The following SLIT2 variants were observed in gnomAD, a reference collection of about 807,000 sequenced individuals.
The protein encoded by SLIT2 is slit guidance ligand 2, also known as slit homolog 2 protein.
A neutral mutation model predicts 185.7 loss-of-function variants in SLIT2; 41 were observed. The observed-to-expected ratio is 0.22, with a 90% CI of 0.17 to 0.29. The LOEUF (loss-of-function observed/expected upper bound fraction) is 0.29. SLIT2 is among the 10% of genes least tolerant of loss of function. The probability of loss-of-function intolerance (pLI) is 1.00; values close to 1 mark genes in which losing one functional copy is unlikely to be tolerated. For synonymous variants in SLIT2, 693 were observed against 680.2 expected, an observed-to-expected ratio of 1.02 and a Z score of -0.29; for missense variants, 1,571 against 1,909.0, an observed-to-expected ratio of 0.82 and a Z score of 3.30.
intron 4 of SLIT2, among the ~76,000 whole-genome samples, chr4:20,383,362 C>A (rs1724682691): frequency 6.6e-6 from 1 of 152,164 alleles, no homozygotes; most frequent in African/African-American, 2.4e-5. Flanking sequence ...GTAAAGAACT[C>A]TTTCAACTCA....
intron 4 of SLIT2, among the ~76,000 whole-genome samples, chr4:20,431,205 A>G (rs79843116): frequency 0.14 from 20,631 of 152,016 alleles, 1,600 homozygotes; most frequent in African/African-American, 0.22. Flanking sequence ...TTCTTTTACT[A>G]TCAGAAACAA....
rs545317613 is a variant in SLIT2 at position 20,571,800 on chromosome 4, A to G, written c.3088+2796A>G. Among the ~76,000 whole-genome samples the G allele has an allele frequency of 3.3e-4, 50 of 152,318 alleles. 1 individual carries two copies. The highest frequency in any genetic ancestry group is 6.8e-3 in the Middle Eastern group (2 of 294). On this transcript the variant is annotated intron_variant, in intron 29 of 36. Coordinates refer to ENST00000504154, the MANE Select transcript of SLIT2 (RefSeq NM_004787.4). ...TTATTCTATATCCCGAAAGCATACAATGAGAAGTGAACTCTGTTTAATAAG... is the reference window on the plus strand; with the variant it reads ...TTATTCTATATCCCGAAAGCATACAGTGAGAAGTGAACTCTGTTTAATAAG...
Position 20,472,287 on chromosome 4 carries a change from G to GATATATATCTATATATCT in SLIT2, c.467+4471_467+4472insTCTATATATCTATATATA, listed in dbSNP as rs1560452839. ...ATATAGATATATATCTATATATATA[G>GATATATATCTATATATCT]ATATATAGATATATAGATCTATATA... On this transcript the variant is annotated intron_variant, in intron 5 of 36. Transcript: ENST00000504154. Among the ~76,000 whole-genome samples the GATATATATCTATATATCT allele has an allele frequency of 9.6e-3, 141 of 14,746 alleles. 2 individuals carry two copies. The highest frequency in any genetic ancestry group is 0.012 in the Non-Finnish European group (103 of 8,376). The allele number at this position is 14,746 out of a possible 152,430, so 9.7% of individuals were successfully genotyped here. A position where few individuals can be genotyped will look rare whatever the true frequency, so the allele number is the denominator to read the frequency against.
In SLIT2 at chr4:20,547,657, A is replaced by G. The variant is rs193175504; in HGVS notation, c.2346-831A>G. Among the ~76,000 whole-genome samples, 503 of 151,100 alleles carry G rather than the reference A, an allele frequency of 3.3e-3. 1 individual carries two copies. The highest frequency in any genetic ancestry group is 4.9e-3 in the Non-Finnish European group (330 of 67,774). ...TTGCTTCAGAAAAAAATTAGTGAAT[A>G]TATTTAGTTATTATAAATGGTGAAT... On this transcript the variant is annotated intron_variant, in intron 22 of 36. Coordinates refer to ENST00000504154, the MANE Select transcript of SLIT2 (RefSeq NM_004787.4).
intron 29 of SLIT2, among the ~76,000 whole-genome samples, chr4:20,583,914 A>T (rs892173057): frequency 1.3e-5 from 2 of 152,154 alleles, no homozygotes; most frequent in East Asian, 1.9e-4. Flanking sequence ...ATTATTTCTC[A>T]TAAAAACCAT....
At chr4:20,441,598 C>A (rs1279941112) in intron 4 of SLIT2, among the ~76,000 whole-genome samples, 1 of 148,382 alleles carries the variant, frequency 6.7e-6, no homozygotes, top group Admixed American at 6.7e-5. Context: ...AAAATACATA[C>A]ATACACACAG....
intron 21 of SLIT2, among the ~76,000 whole-genome samples, chr4:20,545,761 T>A (rs182016467): frequency 1.3e-5 from 2 of 151,938 alleles, no homozygotes; most frequent in Non-Finnish European, 2.9e-5. Flanking sequence ...AAAGTACGGT[T>A]AATTGAATGA....
At chr4:20,317,041 A>T (rs945650468) in intron 4 of SLIT2, among the ~76,000 whole-genome samples, 4 of 84,908 alleles carry the variant, frequency 4.7e-5, no homozygotes, top group African/African-American at 1.3e-4. Context: ...TTGAAAGATT[A>T]AAAAAAAAAA....
intron 9 of SLIT2, among the ~76,000 whole-genome samples, chr4:20,497,294 A>T (rs117527984): frequency 0.013 from 1,998 of 152,116 alleles, 26 homozygotes; most frequent in South Asian, 0.073. Flanking sequence ...AAACTTAGAA[A>T]TTTTGTAAAA....
chr4:20,556,503 T>C (rs893594492), intron 26 of SLIT2, among the ~76,000 whole-genome samples: 2 of 152,060 alleles, frequency 1.3e-5, no homozygotes, highest in African/African-American at 4.8e-5. Context: ...TGCATATTTG[T>C]ACTCCACTCT....
At chr4:20,394,946 C>G (rs886316896) in intron 4 of SLIT2, 15 of 152,038 alleles carry the variant, frequency 9.9e-5, no homozygotes, top group African/African-American at 3.6e-4. Flanking sequence ...AAAATAATCA[C>G]AAGGCTTTGT....
At chr4:20,318,102 T>A (rs1269113639) in intron 4 of SLIT2, among the ~76,000 whole-genome samples, 2 of 152,296 alleles carry the variant, frequency 1.3e-5, no homozygotes, top group East Asian at 3.9e-4. Context: ...TTTTCTTTTG[T>A]CCATTTTATG....
chr4:20,297,423 C>T (rs772210707), intron 4 of SLIT2, among the ~76,000 whole-genome samples: 2 of 152,130 alleles, frequency 1.3e-5, no homozygotes, highest in African/African-American at 2.4e-5. Context: ...GGTTTTCCCC[C>T]CTTCCACTTG....
intron 5 of SLIT2, among the ~76,000 whole-genome samples, chr4:20,475,919 T>G (rs1442235395): frequency 6.6e-6 from 1 of 152,182 alleles, no homozygotes; most frequent in Non-Finnish European, 1.5e-5. Context: ...CTGAAATTCT[T>G]TATTCCTGTG....
At chr4:20,540,495 GTAAA>G (rs889870017) in intron 19 of SLIT2, among the ~76,000 whole-genome samples, 1 of 151,778 alleles carries the variant, frequency 6.6e-6, no homozygotes, top group Non-Finnish European at 1.5e-5. Flanking sequence ...TTCAAGAAAA[GTAAA>G]TAAATAAATA....
intron 4 of SLIT2, among the ~76,000 whole-genome samples, chr4:20,438,411 T>C (rs544612705): frequency 6.6e-6 from 1 of 152,156 alleles, no homozygotes; most frequent in Admixed American, 6.5e-5. Flanking sequence ...AGAGAGAGTT[T>C]GTGTGGCGAA....
intron 4 of SLIT2, among the ~76,000 whole-genome samples, chr4:20,351,716 A>T (rs979527081): frequency 1.3e-5 from 2 of 152,182 alleles, no homozygotes; most frequent in Admixed American, 1.3e-4. Flanking sequence ...GTGGGACAGT[A>T]TGAAAGGAAG....
chr4:20,600,302 C>A (rs1728304800), intron 33 of SLIT2, among the ~76,000 whole-genome samples: 1 of 151,718 alleles, frequency 6.6e-6, no homozygotes, highest in South Asian at 2.1e-4. Flanking sequence ...GTGATTATAT[C>A]CAAACAAGGA....
intron 4 of SLIT2, among the ~76,000 whole-genome samples, chr4:20,423,173 T>G (rs971897472): frequency 6.6e-6 from 1 of 152,060 alleles, no homozygotes; most frequent in Admixed American, 6.6e-5. Flanking sequence ...TAAATCCACG[T>G]ACAGACATAG....
Sources: gnomAD v4.1 joint callset for allele counts (sites outside exome capture counted in the v4.1 genomes callset) on GRCh38, gnomAD v4.1.1 for gene constraint, MANE v1.5 for transcripts, NCBI Gene and HGNC (gene_info 2026-07-23, HGNC 2026-07-21) for gene names.